UBN2: variants seen among roughly 807,000 people sequenced by gnomAD.
The protein encoded by UBN2 is ubinuclein-2.
Under a neutral mutation model 120.2 loss-of-function variants are expected in UBN2, and 35 were observed. The observed-to-expected ratio is 0.29, with a 90% CI of 0.22 to 0.39. The LOEUF is 0.39. UBN2 is among the 10% of genes least tolerant of loss of function. The probability of loss-of-function intolerance (pLI) is 1.00; values close to 1 mark genes in which losing one functional copy is unlikely to be tolerated. For synonymous variants in UBN2, 661 were observed against 648.7 expected, an observed-to-expected ratio of 1.02 and a Z score of -0.29; for missense variants, 1,693 against 1,663.2, an observed-to-expected ratio of 1.02 and a Z score of -0.31.
chr7:139,313,440 A>G, the UBN2 span, among the ~76,000 whole-genome samples: 1 of 152,196 alleles, frequency 6.6e-6, no homozygotes, highest in African/African-American at 2.4e-5. Flanking sequence ...AGTTGATTTT[A>G]TATCGAGCAA....
rs140343844 is a variant in UBN2 at position 139,261,617 on chromosome 7, C to T, written c.1271C>T (p.Ser424Leu). 33,219 of 1,614,116 alleles carry T rather than the reference C, an allele frequency of 0.021. 421 individuals are homozygous for T. The highest frequency in any genetic ancestry group is 0.042 in the Middle Eastern group (255 of 6,062). Residue 424 changes from serine (S) to leucine (L), a missense_variant, in exon 6 of 18, where the codon TCG (serine) becomes TTG (leucine). By Grantham distance (145) the Ser-to-Leu change is moderately radical. This residue lies in a region of UBN2 where 663 missense variants were observed against 591.2 expected (regional missense o/e 1.12). Coordinates refer to ENST00000473989, the MANE Select transcript of UBN2 (RefSeq NM_173569.4). ...TCTGATGGTAGCCCCCTATCTGAGT[C>T]GGGGGGTGAAAATGGAACCACCACC... Reference protein sequence around the residue: ...AASDGSPLSESGGENGTTTQP... With the variant: ...AASDGSPLSELGGENGTTTQP...
the UBN2 span, among the ~76,000 whole-genome samples, chr7:139,327,363 T>C: frequency 6.6e-6 from 1 of 152,344 alleles, no homozygotes; most frequent in South Asian, 2.1e-4. Context: ...TTACTCTGTG[T>C]ATTAGTCTAT....
At chr7:139,235,267 C>T (rs1584981533) in intron 1 of UBN2, among the ~76,000 whole-genome samples, 2 of 152,160 alleles carry the variant, frequency 1.3e-5, no homozygotes, top group South Asian at 2.1e-4. Context: ...TGCTTACTGT[C>T]CTTAACCTGA....
At chr7:139,294,840 CA>C (rs1012392638) in intron 17 of UBN2, among the ~76,000 whole-genome samples, 13 of 149,752 alleles carry the variant, frequency 8.7e-5, no homozygotes, top group Non-Finnish European at 1.2e-4. Flanking sequence ...GACTCCGTCT[CA>C]AAAAAAAAAT....
chr7:139,268,509 A>T (rs1244610745), intron 7 of UBN2, among the ~76,000 whole-genome samples: 4 of 152,080 alleles, frequency 2.6e-5, no homozygotes, highest in Non-Finnish European at 2.9e-5. Flanking sequence ...ATTTGTTGGA[A>T]TAGGGAACCC....
Position 139,262,828 on chromosome 7 carries a change from C to T in UBN2, c.1395+1087C>T, listed in dbSNP as rs138842486. ...ATTCACCTGACTCCAGAGTAGGTGGCATAGGTTTTTTTGTTATTCCATGTG... is the reference window on the plus strand; with the variant it reads ...ATTCACCTGACTCCAGAGTAGGTGGTATAGGTTTTTTTGTTATTCCATGTG... On this transcript the variant is annotated intron_variant, in intron 6 of 17. Coordinates refer to ENST00000473989, the MANE Select transcript of UBN2 (RefSeq NM_173569.4). Among the ~76,000 whole-genome samples the T allele has an allele frequency of 9.3e-3, 1,417 of 152,082 alleles. 10 individuals carry two copies. Among genetic ancestry groups the T allele is most frequent in the Non-Finnish European group, 0.015 (1,009 of 67,964 alleles).
chr7:139,250,598 C>T (rs768341975), intron 2 of UBN2, among the ~76,000 whole-genome samples: 4 of 151,486 alleles, frequency 2.6e-5, no homozygotes. Context: ...TGCAAATATA[C>T]TACAGAGAAA....
Position 139,259,353 on chromosome 7 carries a change from A to G in UBN2, c.888A>G (p.Lys296=). 6.2e-7 allele frequency: 1 copy of G among 1,614,002 alleles called. No individual in the cohort carries two copies. Among genetic ancestry groups the G allele is most frequent in the Non-Finnish European group, 8.5e-7 (1 of 1,179,928 alleles). The change falls in exon 5 of 18, where the codon AAA becomes AAG. Residue 296 remains lysine (K), a synonymous_variant. Transcript: ENST00000473989. The part of the protein sequence containing the change: ...EGEKEKKPRK[K]VPKQLGVVAL... ...AAAAGGAGAAGAAGCCAAGGAAAAA[A>G]GTTCCCAAACAACTGGGGTACGTTA...
chr7:139,236,816 T>C lies in UBN2; in HGVS notation c.469-189T>C, dbSNP rs186042686. Among the ~76,000 whole-genome samples the C allele has an allele frequency of 9.9e-5, 15 of 152,170 alleles. No homozygotes were observed. The East Asian group carries it at 2.3e-3, about 23-fold the overall frequency. On this transcript the variant is annotated intron_variant, in intron 1 of 17. Coordinates refer to ENST00000473989, the MANE Select transcript of UBN2 (RefSeq NM_173569.4). ...TCTCGTATTGGTTAAATTTAAGATA[T>C]AGTCTCTGAGTAATAATATAATTAA...
Position 139,261,696 on chromosome 7 carries a change from G to C in UBN2, c.1350G>C (p.Glu450Asp), listed in dbSNP as rs770479208. The change falls in exon 6 of 18, where the codon GAG becomes GAC. Residue 450 changes from glutamate to aspartate, a missense_variant. Transcript: ENST00000473989. ...VMPKVVPTLP[E>D]GLPVLLEKRI... ...CCAAAGTGGTACCTACACTCCCAGA[G>C]GGTCTACCTGTACTTCTTGAAAAAC... 4 of 1,613,980 alleles carry C rather than the reference G, an allele frequency of 2.5e-6. No homozygotes were observed. The African/African-American group carries it at 5.3e-5, about 22-fold the overall frequency.
intron 4 of UBN2, among the ~76,000 whole-genome samples, chr7:139,259,052 G>A (rs897628555): frequency 6.6e-6 from 1 of 152,150 alleles, no homozygotes; most frequent in Non-Finnish European, 1.5e-5. Context: ...TCACCAGAAT[G>A]CTTGTTTAAA....
chr7:139,237,614 T>G (rs1196865949), intron 2 of UBN2, among the ~76,000 whole-genome samples: 1 of 152,136 alleles, frequency 6.6e-6, no homozygotes, highest in African/African-American at 2.4e-5. Context: ...TTATCTCCAA[T>G]CTTTGTAACA....
chr7:139,295,924 C>CAA (rs1203199912), intron 17 of UBN2, among the ~76,000 whole-genome samples: 1 of 145,176 alleles, frequency 6.9e-6, no homozygotes, highest in Non-Finnish European at 1.5e-5. Flanking sequence ...CTGTCCCCCC[C>CAA]AAAAAAAAAA....
chr7:139,252,556 C>T (rs1167205275), intron 3 of UBN2, among the ~76,000 whole-genome samples: 1 of 151,682 alleles, frequency 6.6e-6, no homozygotes, highest in Non-Finnish European at 1.5e-5. Context: ...ATGTAAAATC[C>T]ATTTCTAGCT....
intron 10 of UBN2, among the ~76,000 whole-genome samples, 154 bp downstream of exon 10, chr7:139,273,564 A>T (rs1162780820): frequency 6.6e-6 from 1 of 152,236 alleles, no homozygotes; most frequent in Non-Finnish European, 1.5e-5. Context: ...TTGGGCTCTA[A>T]TATCCTCAGA....
At chr7:139,245,254 T>TCAA (rs940193323) in intron 2 of UBN2, among the ~76,000 whole-genome samples, 1 of 152,104 alleles carries the variant, frequency 6.6e-6, no homozygotes, top group Admixed American at 6.5e-5. Context: ...ACATTATTCT[T>TCAA]CAATGGCTAT....
At chr7:139,240,450 ATATATT>A (rs1450728233) in intron 2 of UBN2, among the ~76,000 whole-genome samples, 1,059 of 37,340 alleles carry the variant, frequency 0.028, 12 homozygotes, top group African/African-American at 0.059. Context: ...ATATATATAT[ATATATT>A]TTTTTTTTTA....
At chr7:139,318,651 A>G in the UBN2 span, among the ~76,000 whole-genome samples, 1 of 152,110 alleles carries the variant, frequency 6.6e-6, no homozygotes, top group Non-Finnish European at 1.5e-5. Flanking sequence ...GCGTGCCACC[A>G]TACCCAGCTA....
At chr7:139,257,113 AT>A (rs1257866957) in intron 3 of UBN2, among the ~76,000 whole-genome samples, 7 of 152,198 alleles carry the variant, frequency 4.6e-5, no homozygotes, top group Non-Finnish European at 1.0e-4. Flanking sequence ...CTACAATCAG[AT>A]AAGTTCCTTT....
Sources: gnomAD v4.1 joint callset for allele counts (sites outside exome capture counted in the v4.1 genomes callset) on GRCh38, gnomAD v4.1.1 for gene constraint, gnomAD v4.1.1 regional missense constraint, MANE v1.5 for transcripts, NCBI Gene and HGNC (gene_info 2026-07-23, HGNC 2026-07-21) for gene names.